YEATS2: variants seen among roughly 807,000 people sequenced by gnomAD.
YEATS2 encodes YEATS domain containing 2, also known as YEATS domain-containing protein 2.
In YEATS2, 77 loss-of-function variants were observed where a neutral mutation model predicts 163.2. The ratio of observed to expected loss-of-function variants is 0.47; its 90% CI spans 0.39 to 0.57. The LOEUF is 0.57. Among genes scored for constraint, YEATS2 ranks in the 20% least tolerant of loss-of-function variants. YEATS2 has a pLI of 0.00. For synonymous variants in YEATS2, 631 were observed against 645.1 expected (o/e 0.98, Z 0.33); for missense variants, 1,549 against 1,729.8 (o/e 0.90, Z 1.85).
intron 19 of YEATS2, among the ~76,000 whole-genome samples, chr3:183,781,350 G>A (rs1723540378): frequency 6.6e-6 from 1 of 152,184 alleles, no homozygotes; most frequent in Admixed American, 6.5e-5. Context: ...GGTAGGAGAA[G>A]ATTGATGTCT....
intron 19 of YEATS2, among the ~76,000 whole-genome samples, chr3:183,780,389 C>G (rs891688906): frequency 5.9e-5 from 9 of 152,200 alleles, no homozygotes; most frequent in Admixed American, 5.9e-4. Flanking sequence ...CGTTTTTCCA[C>G]GCTTCTGTGG....
In YEATS2 at chr3:183,754,225, T is replaced by C. The variant is rs1005341403; in HGVS notation, c.1250T>C (p.Val417Ala). 6.2e-7 allele frequency: 1 copy of C among 1,613,948 alleles called. No individual in the cohort carries two copies. The highest frequency in any genetic ancestry group is 1.3e-5 in the African/African-American group (1 of 74,930). Residue 417 changes from valine to alanine, a missense_variant, in exon 11 of 31, where the codon GTT becomes GCT. Coordinates refer to ENST00000305135, the MANE Select transcript of YEATS2 (RefSeq NM_018023.5). ...TPTKMTTSQK[V>A]TFCSHGNSAF... Reference sequence around the variant, plus strand: ...ACCAAAATGACTACATCCCAGAAAGTTACCTTTTGTTCCCATGGCAATTCA... The same window carrying C: ...ACCAAAATGACTACATCCCAGAAAGCTACCTTTTGTTCCCATGGCAATTCA...
At chr3:183,744,789 A>T (rs1719350092) in intron 8 of YEATS2, among the ~76,000 whole-genome samples, 1 of 151,924 alleles carries the variant, frequency 6.6e-6, no homozygotes, top group Non-Finnish European at 1.5e-5. Flanking sequence ...TTAGTTGCAG[A>T]CCATCATTCT....
At position 183,797,836 on chromosome 3, in the gene YEATS2, A is replaced by G. The variant is rs183243445; in HGVS notation, c.3098-87A>G. The G allele has an allele frequency of 2.8e-5, 43 of 1,549,644 alleles. No individual in the cohort carries two copies. In the East Asian group the frequency reaches 7.3e-4, roughly 26 times the overall value. On this transcript the variant is annotated intron_variant, in intron 21 of 30. Coordinates refer to ENST00000305135, the MANE Select transcript of YEATS2 (RefSeq NM_018023.5). Reference sequence around the variant, plus strand: ...GTTAAATGTCCTGGGAACTTCCTCCATGACAAAATATGGGTAGCACAGAGG... The same window carrying G: ...GTTAAATGTCCTGGGAACTTCCTCCGTGACAAAATATGGGTAGCACAGAGG...
At chr3:183,700,977 G>C (rs1482719077) in intron 1 of YEATS2, among the ~76,000 whole-genome samples, 1 of 151,604 alleles carries the variant, frequency 6.6e-6, no homozygotes, top group Non-Finnish European at 1.5e-5. Context: ...AGATAGTGGT[G>C]ATTTTTGTGC....
At chr3:183,803,882 A>C in intron 26 of YEATS2, 105 bp from the exon 27 acceptor site, 1 of 1,259,366 alleles carries the variant, frequency 7.9e-7, no homozygotes, top group South Asian at 1.5e-5. Flanking sequence ...AAAAAAAAAA[A>C]TTCTAACAGG....
At chr3:183,783,672 A>G (rs1211867823) in intron 19 of YEATS2, among the ~76,000 whole-genome samples, 1 of 152,126 alleles carries the variant, frequency 6.6e-6, no homozygotes, top group Non-Finnish European at 1.5e-5. Flanking sequence ...TCCTGCATTC[A>G]TTCACTTAGG....
intron 19 of YEATS2, among the ~76,000 whole-genome samples, chr3:183,780,642 C>G (rs958097125): frequency 2.6e-5 from 4 of 152,128 alleles, no homozygotes; most frequent in African/African-American, 4.8e-5. Context: ...GCAGTGAACT[C>G]TGGCAGCAAA....
chr3:183,702,492 C>G (rs1714200128), intron 1 of YEATS2, among the ~76,000 whole-genome samples: 1 of 151,762 alleles, frequency 6.6e-6, no homozygotes, highest in Admixed American at 6.6e-5. Flanking sequence ...CTTAAACATC[C>G]CACATGCCTC....
rs192932203 is a variant in YEATS2 at position 183,797,720 on chromosome 3, A to G, written c.3098-203A>G. On this transcript the variant is annotated intron_variant, in intron 21 of 30. Coordinates refer to ENST00000305135, the MANE Select transcript of YEATS2 (RefSeq NM_018023.5). ...GACAGAGCGAGACTCCATCTCAAAA[A>G]GTAAATAAACAATTATTGTCATGCC... Among the ~76,000 whole-genome samples the G allele has an allele frequency of 2.2e-3, 341 of 152,342 alleles. 9 individuals are homozygous for G. The highest frequency in any genetic ancestry group is 0.022 in the Admixed American group (338 of 15,292).
intron 9 of YEATS2, among the ~76,000 whole-genome samples, chr3:183,749,813 GTTTA>G (rs1241326792): frequency 8.6e-5 from 13 of 151,486 alleles, no homozygotes; most frequent in East Asian, 1.9e-4. Flanking sequence ...TTACTTACTC[GTTTA>G]TTTATTTATT....
At position 183,812,421 on chromosome 3, in the gene YEATS2, A is replaced by C. The variant is rs1318710978; in HGVS notation, c.*1838A>C. Reference sequence around the variant, plus strand: ...TTGCTTCAGCAAAGTGAACTGTGAGATCTCCAGGACAGAGGGAGAAAGATC... The same window carrying C: ...TTGCTTCAGCAAAGTGAACTGTGAGCTCTCCAGGACAGAGGGAGAAAGATC... On this transcript the variant is annotated 3_prime_UTR_variant, in exon 31 of 31. Coordinates refer to ENST00000305135, the MANE Select transcript of YEATS2 (RefSeq NM_018023.5). 1 of 152,586 alleles carries C rather than the reference A, an allele frequency of 6.6e-6. No homozygotes were observed. Among genetic ancestry groups the C allele is most frequent in the Non-Finnish European group, 1.5e-5 (1 of 68,042 alleles). The allele number at this position is 152,586 out of a possible 1,614,324, so 9.5% of individuals were successfully genotyped here. A position where few individuals can be genotyped will look rare whatever the true frequency, so the allele number is the denominator to read the frequency against.
rs762620887 is a variant in YEATS2 at position 183,786,273 on chromosome 3, C to G, written c.2885C>G (p.Ala962Gly). 1.2e-6 allele frequency: 2 copies of G among 1,613,562 alleles called. No individual in the cohort carries two copies. Among genetic ancestry groups the G allele is most frequent in the Non-Finnish European group, 8.5e-7 (1 of 1,179,692 alleles). Residue 962 changes from alanine to glycine, a missense_variant, in exon 20 of 31, where the codon GCC (alanine) becomes GGC (glycine). Physicochemically the swap from Ala to Gly is moderately conservative, Grantham distance 60. Transcript: ENST00000305135. Reference protein sequence around the residue: ...VITTATSPAVALSANGPAQQS... With the variant: ...VITTATSPAVGLSANGPAQQS... ...ACAACTGCCACTTCCCCTGCCGTGG[C>G]CCTCTCAGCAAACGGTCCTGCACAA...
chr3:183,724,362 C>T, intron 5 of YEATS2, 57 bp from the exon 6 acceptor site: 2 of 1,291,668 alleles, frequency 1.5e-6, no homozygotes, highest in Non-Finnish European at 1.1e-6. Flanking sequence ...TTTGTGGTTT[C>T]TGTCCTATTG....
In YEATS2 at chr3:183,795,005, T is replaced by TAAAA. The variant is rs10636195; in HGVS notation, c.3098-2907_3098-2904dup. On this transcript the variant is annotated intron_variant, in intron 21 of 30. Transcript: ENST00000305135. ...GGCAATGTGACAAGACCCCATTTCT[T>TAAAA]AAAAAAAAAAAAAATTAGCTGGGCA... Among the ~76,000 whole-genome samples, 7 of 144,266 alleles carry TAAAA rather than the reference T, an allele frequency of 4.9e-5. No homozygotes were observed. The South Asian group carries it at 1.1e-3, about 23-fold the overall frequency. 94.6% of individuals were successfully genotyped at this position (144,266 alleles called of 152,430 possible). A position where few individuals can be genotyped will look rare whatever the true frequency, so the allele number is the denominator to read the frequency against.
At chr3:183,758,228 G>C (rs571010853) in intron 12 of YEATS2, among the ~76,000 whole-genome samples, 2 of 152,040 alleles carry the variant, frequency 1.3e-5, no homozygotes, top group Non-Finnish European at 2.9e-5. Context: ...GTGGTAGCGC[G>C]TGCCTGTAGT....
chr3:183,740,213 C>T (rs1718797843), intron 8 of YEATS2, among the ~76,000 whole-genome samples: 1 of 151,224 alleles, frequency 6.6e-6, no homozygotes, highest in Non-Finnish European at 1.5e-5. Context: ...ACTCATCTGA[C>T]AAAGGGCTAA....
chr3:183,784,712 G>C (rs1049825182), intron 19 of YEATS2, among the ~76,000 whole-genome samples: 1 of 151,524 alleles, frequency 6.6e-6, no homozygotes, highest in African/African-American at 2.4e-5. Flanking sequence ...CGCTGTAATC[G>C]TAGAGCCGAG....
intron 20 of YEATS2, 41 bp downstream of exon 20, chr3:183,786,342 G>A (rs1208198053): frequency 6.4e-7 from 1 of 1,566,952 alleles, no homozygotes; most frequent in Admixed American, 1.7e-5. Flanking sequence ...AATGAGACAT[G>A]AAAGTGGTGT....
Sources: allele counts gnomAD v4.1 joint callset (sites outside exome capture counted in the v4.1 genomes callset), GRCh38; gene constraint gnomAD v4.1.1; transcripts MANE v1.5; gene names NCBI Gene and HGNC (gene_info 2026-07-23, HGNC 2026-07-21).